TNFRSF10D: variants seen among roughly 807,000 people sequenced by gnomAD.
The protein encoded by TNFRSF10D is tumor necrosis factor receptor superfamily member 10D.
In TNFRSF10D, 28 loss-of-function variants were observed where a neutral mutation model predicts 42.1. That is an observed-to-expected ratio of 0.66 (90% CI 0.49 to 0.91). TNFRSF10D has a LOEUF of 0.91. Ranked by LOEUF, TNFRSF10D falls within the 40% of genes least tolerant of loss-of-function variation. The pLI, the probability that TNFRSF10D is intolerant of heterozygous loss-of-function variation, is 0.00. For missense variants in TNFRSF10D, 503 were observed against 486.1 expected (o/e 1.03, Z -0.33); for synonymous variants, 186 against 189.4 (o/e 0.98, Z 0.15).
intron 3 of TNFRSF10D, 124 bp from the exon 4 acceptor site, chr8:23,147,196 T>G: frequency 4.0e-6 from 3 of 751,050 alleles, no homozygotes; most frequent in Non-Finnish European, 6.9e-6. Context: ...AGGGCTGGTT[T>G]CTGCACCAGC....
intron 1 of TNFRSF10D, among the ~76,000 whole-genome samples, chr8:23,155,901 TAAAG>T (rs1800272975): frequency 6.6e-6 from 1 of 152,122 alleles, no homozygotes; most frequent in East Asian, 1.9e-4. Flanking sequence ...AATATAACCT[TAAAG>T]AAAGTCAGGA....
intron 1 of TNFRSF10D, among the ~76,000 whole-genome samples, chr8:23,156,880 CT>C (rs1800288760): frequency 6.6e-6 from 1 of 152,168 alleles, no homozygotes; most frequent in Admixed American, 6.5e-5. Flanking sequence ...TTTGTCAGTT[CT>C]TTTTGTGGTT....
At chr8:23,154,521 CT>C (rs2128838843) in intron 2 of TNFRSF10D, among the ~76,000 whole-genome samples, 1 of 152,256 alleles carries the variant, frequency 6.6e-6, no homozygotes. Flanking sequence ...TACTGCATTG[CT>C]TTTTATCTAC....
At position 23,155,246 on chromosome 8, in the gene TNFRSF10D, T is replaced by A. The variant is rs1475460020; in HGVS notation, c.151-267A>T. Among the ~76,000 whole-genome samples the A allele has an allele frequency of 2.0e-5, 3 of 152,204 alleles. No homozygotes were observed. The East Asian group carries it at 5.8e-4, about 29-fold the overall frequency. On this transcript the variant is annotated intron_variant, in intron 1 of 8. Transcript: ENST00000312584. ...AGAAAATATGAGCAGAAGAGTTTTTTTTTTTTTTTGATAGAGTCTTGCTAT... is the reference window on the plus strand; with the variant it reads ...AGAAAATATGAGCAGAAGAGTTTTTATTTTTTTTTGATAGAGTCTTGCTAT...
At chr8:23,144,685 A>C in intron 6 of TNFRSF10D, 50 bp from the exon 7 acceptor site, 1 of 1,582,804 alleles carries the variant, frequency 6.3e-7, no homozygotes, top group Non-Finnish European at 8.6e-7. Flanking sequence ...GCTCAGCTTC[A>C]GGGTCCCCAG....
chr8:23,137,984 G>C lies in TNFRSF10D; in HGVS notation c.1047C>G (p.Ala349=). The C allele has an allele frequency of 6.2e-7, 1 of 1,614,178 alleles. No individual in the cohort carries two copies. The highest frequency in any genetic ancestry group is 8.5e-7 in the Non-Finnish European group (1 of 1,180,032). Reference sequence around the variant, plus strand: ...CATGTCCTTCTTCCAGTGTTGCCGAGGCATCCAGCAAGGTGCTGACTGAGA... The same window carrying C: ...CATGTCCTTCTTCCAGTGTTGCCGACGCATCCAGCAAGGTGCTGACTGAGA... ...DSADISTLLD[A]SATLEEGHAK... Residue 349 remains alanine, a synonymous_variant, in exon 9 of 9, where the codon GCC becomes GCG. Transcript: ENST00000312584.
intron 2 of TNFRSF10D, among the ~76,000 whole-genome samples, chr8:23,149,799 C>T (rs1325477403): frequency 2.0e-5 from 3 of 152,078 alleles, no homozygotes; most frequent in South Asian, 4.2e-4. Context: ...TCACCATCCC[C>T]GAGAGGCCCC....
chr8:23,154,301 C>T (rs1800246063), intron 2 of TNFRSF10D, among the ~76,000 whole-genome samples: 1 of 152,226 alleles, frequency 6.6e-6, no homozygotes, highest in African/African-American at 2.4e-5. Context: ...TATTGTGTGA[C>T]ATGGTGACTA....
At chr8:23,140,585 A>G (rs773852780) in intron 7 of TNFRSF10D, among the ~76,000 whole-genome samples, 52 of 152,366 alleles carry the variant, frequency 3.4e-4, no homozygotes, top group Non-Finnish European at 4.6e-4. Context: ...ATCAATCTAC[A>G]GATTTAATAC....
chr8:23,156,206 T>C (rs1800278339), intron 1 of TNFRSF10D, among the ~76,000 whole-genome samples: 2 of 152,242 alleles, frequency 1.3e-5, no homozygotes, highest in African/African-American at 4.8e-5. Flanking sequence ...TTTTTTTGCA[T>C]AGTTTTTGTA....
chr8:23,138,551 A>G (rs188229203), intron 7 of TNFRSF10D, among the ~76,000 whole-genome samples: 122 of 152,324 alleles, frequency 8.0e-4, no homozygotes, highest in African/African-American at 2.9e-3. Context: ...CACCCCAGAA[A>G]GTCCCCTTCT....
chr8:23,154,977 G>C lies in TNFRSF10D; in HGVS notation c.153C>G (p.Val51=), dbSNP rs758288432. 1 of 1,608,634 alleles carries C rather than the reference G, an allele frequency of 6.2e-7. No individual in the cohort carries two copies. Among genetic ancestry groups the C allele is most frequent in the South Asian group, 1.1e-5 (1 of 90,244 alleles). ...GGGGGATGGTGGCAGAGTCAACCCG[G>C]ACCTGTGGGGACAAGGCAGAGATGG... is the stretch of plus-strand genomic sequence containing the variant. ...VVFIVAVLLP[V]RVDSATIPRQ... The change falls in exon 2 of 9, where the codon GTC becomes GTG. Residue 51 remains valine, a splice_region_variant and synonymous_variant. Transcript: ENST00000312584.
chr8:23,142,951 A>G (rs952368042), intron 7 of TNFRSF10D, among the ~76,000 whole-genome samples: 1 of 152,020 alleles, frequency 6.6e-6, no homozygotes, highest in African/African-American at 2.4e-5. Context: ...GACTACCACT[A>G]TGACTCAGCA....
In TNFRSF10D at chr8:23,137,070, CATT is replaced by C. The variant is rs1814343074; in HGVS notation, c.*797_*799del. The C allele has an allele frequency of 6.6e-6, 1 of 152,096 alleles. No homozygotes were observed. The highest frequency in any genetic ancestry group is 2.1e-4 in the South Asian group (1 of 4,834). The allele number at this position is 152,096 out of a possible 1,614,324, so 9.4% of individuals were successfully genotyped here. The stretch of plus-strand genomic sequence containing the variant: ...TCCTAAAGTTTTTCCATGTTTACAT[CATT>C]ATACAAAAATCGGAAAAGAGATGTA... On this transcript the variant is annotated 3_prime_UTR_variant, in exon 9 of 9. Coordinates refer to ENST00000312584, the MANE Select transcript of TNFRSF10D (RefSeq NM_003840.5).
At chr8:23,143,271 C>T (rs1240874484) in intron 7 of TNFRSF10D, among the ~76,000 whole-genome samples, 1 of 150,100 alleles carries the variant, frequency 6.7e-6, no homozygotes, top group African/African-American at 2.5e-5. Flanking sequence ...CCACGGCGCC[C>T]GGCCGACTGA....
At chr8:23,160,781 G>A (rs1299478456) in intron 1 of TNFRSF10D, among the ~76,000 whole-genome samples, 1 of 152,216 alleles carries the variant, frequency 6.6e-6, no homozygotes, top group Non-Finnish European at 1.5e-5. Context: ...TAGGGGCTGG[G>A]TGAGCAGCCA....
In TNFRSF10D at chr8:23,135,731, G is replaced by A. The variant is rs1476651813; in HGVS notation, c.*2139C>T. On this transcript the variant is annotated 3_prime_UTR_variant, in exon 9 of 9. Coordinates refer to ENST00000312584, the MANE Select transcript of TNFRSF10D (RefSeq NM_003840.5). ...CGCCAAAAAACCCCAACAATTTCAT[G>A]TTGTCAGGAAGCTTATGTTAAAGGA... 1,310 of 296,548 alleles carry A rather than the reference G, an allele frequency of 4.4e-3. No homozygotes were observed. The highest frequency in any genetic ancestry group is 0.017 in the African/African-American group (770 of 45,326). 18.4% of individuals were successfully genotyped at this position (296,548 alleles called of 1,614,324 possible).
chr8:23,138,120 G>A, intron 8 of TNFRSF10D, 68 bp downstream of exon 8: 1 of 1,612,322 alleles, frequency 6.2e-7, no homozygotes, highest in South Asian at 1.1e-5. Context: ...TCAGCTATAG[G>A]GACAGCAGTT....
At chr8:23,153,628 AACATC>A (rs1800236789) in intron 2 of TNFRSF10D, among the ~76,000 whole-genome samples, 1 of 152,230 alleles carries the variant, frequency 6.6e-6, no homozygotes, top group Non-Finnish European at 1.5e-5. Flanking sequence ...AAAAATGCTC[AACATC>A]ACTAATCAGG....
Sources: gnomAD v4.1 joint callset for allele counts (sites outside exome capture counted in the v4.1 genomes callset) on GRCh38, gnomAD v4.1.1 for gene constraint, MANE v1.5 for transcripts, NCBI Gene and HGNC (gene_info 2026-07-23, HGNC 2026-07-21) for gene names.